Variants in DMD observed in about 807,000 individuals in gnomAD.
DMD encodes mutant dystrophin.
In DMD, 63 loss-of-function variants were observed where a neutral mutation model predicts 330.1. That is an observed-to-expected ratio of 0.19 (90% CI 0.16 to 0.24). DMD has a LOEUF of 0.24. Among genes scored for constraint, DMD ranks in the 10% least tolerant of loss-of-function variants. The pLI is 1.00. For missense variants in DMD, 3,344 were observed against 2,684.1 expected (o/e 1.25, Z -5.43); for synonymous variants, 1,223 against 959.8 (o/e 1.27, Z -5.07).
chrX:33,163,618 CTCTATCTATCTA>C (rs74647711), intron 1 of DMD, among the ~76,000 whole-genome samples: 3 of 24,854 alleles, frequency 1.2e-4, no homozygotes, highest in African/African-American at 2.3e-4. Context: ...CTATATCTAT[CTCTATCTATCTA>C]TCTATCTATC....
At chrX:32,953,132 CAAAAAA>C (rs956888529) in intron 2 of DMD, among the ~76,000 whole-genome samples, 5 of 48,323 alleles carry the variant, frequency 1.0e-4, no homozygotes, top group Admixed American at 2.6e-4. Flanking sequence ...AAGACTCCAC[CAAAAAA>C]AAAAAAAAAA....
At chrX:32,038,031 C>T (rs1354335301) in intron 44 of DMD, among the ~76,000 whole-genome samples, 1 of 111,657 alleles carries the variant, frequency 9.0e-6, no homozygotes, top group African/African-American at 3.3e-5. Flanking sequence ...GTCATTTGTT[C>T]AATCACTTGG....
At position 32,558,470 on chromosome X, in the gene DMD, G is replaced by A. The variant is rs143118474; in HGVS notation, c.1992+7232C>T. ...AATAGGCGTATCATACAGATGCTGA[G>A]CATTTTGTCTGTATGGTATTTTAAT... On this transcript the variant is annotated intron_variant, in intron 16 of 78. Transcript: ENST00000357033. Among the ~76,000 whole-genome samples, 137 of 111,652 alleles carry A rather than the reference G, an allele frequency of 1.2e-3. 2 individuals are homozygous for A. The highest frequency in any genetic ancestry group is 4.2e-3 in the African/African-American group (128 of 30,753).
chrX:32,728,114 G>A (rs767094034), intron 7 of DMD, among the ~76,000 whole-genome samples: 1 of 111,307 alleles, frequency 9.0e-6, no homozygotes, highest in Admixed American at 9.6e-5. Flanking sequence ...ATTGGAGACT[G>A]ACAAATAGCA....
chrX:32,227,235 G>A (rs2097151026), intron 43 of DMD, among the ~76,000 whole-genome samples: 1 of 84,642 alleles, frequency 1.2e-5, no homozygotes, highest in Admixed American at 1.4e-4. Flanking sequence ...GTATTCCATT[G>A]TGTGTCTATC....
chrX:32,393,477 CAGT>C (rs2098018443), intron 30 of DMD, among the ~76,000 whole-genome samples: 2 of 111,457 alleles, frequency 1.8e-5, no homozygotes, highest in Non-Finnish European at 3.8e-5. Context: ...TCACAGATAA[CAGT>C]AGTTTTATTG....
rs796343937 is a variant in DMD, at chrX:33,009,222, A to ATATATGTG, written c.93+10909_93+10916dup. Among the ~76,000 whole-genome samples the ATATATGTG allele has an allele frequency of 4.2e-3, 108 of 25,751 alleles. 9 individuals are homozygous for ATATATGTG. Among genetic ancestry groups the ATATATGTG allele is most frequent in the African/African-American group, 0.011 (66 of 5,974 alleles). 22.4% of individuals were successfully genotyped at this position (25,751 alleles called of 115,157 possible). ...TATGTGTATATATACACATATGTGCATATATGTGTATATATACACATGTGC... is the reference window on the plus strand; with the variant it reads ...TATGTGTATATATACACATATGTGCATATATGTGTATATGTGTATATATACACATGTGC... On this transcript the variant is annotated intron_variant, in intron 2 of 78. Transcript: ENST00000357033.
At chrX:32,993,984 G>T (rs1209529439) in intron 2 of DMD, among the ~76,000 whole-genome samples, 1 of 111,105 alleles carries the variant, frequency 9.0e-6, no homozygotes, top group African/African-American at 3.3e-5. Context: ...TAAATTTGAT[G>T]AAGAGTGGAC....
At chrX:31,956,564 C>T (rs1569522387) in intron 45 of DMD, among the ~76,000 whole-genome samples, 1 of 111,736 alleles carries the variant, frequency 8.9e-6, no homozygotes, top group Non-Finnish European at 1.9e-5. Context: ...TAAGATAGGA[C>T]CAAGTGCTAA....
intron 59 of DMD, among the ~76,000 whole-genome samples, chrX:31,453,765 C>CAAAAAAAAAAAAAAAAAAAAAAAAA (rs760511403): frequency 1.1e-4 from 1 of 8,978 alleles, no homozygotes; most frequent in Non-Finnish European, 1.7e-4. Context: ...AAAAAACAAG[C>CAAAAAAAAAAAAAAAAAAAAAAAAA]AAAAAAAAAA....
intron 9 of DMD, among the ~76,000 whole-genome samples, chrX:32,696,769 T>C (rs2063687396): frequency 1.8e-5 from 2 of 111,021 alleles, no homozygotes; most frequent in South Asian, 7.8e-4. Context: ...GTCTTGGTGA[T>C]TTCAACGGAG....
chrX:33,305,767 T>C (rs2053752902), intron 1 of DMD, among the ~76,000 whole-genome samples: 1 of 111,198 alleles, frequency 9.0e-6, no homozygotes, highest in African/African-American at 3.3e-5. Flanking sequence ...ATAAGTCACA[T>C]TATAGAGCAT....
At chrX:33,096,164 C>T (rs1299438980) in intron 1 of DMD, among the ~76,000 whole-genome samples, 55 of 108,346 alleles carry the variant, frequency 5.1e-4, no homozygotes, top group African/African-American at 1.8e-3. Context: ...TTAGTAGAGA[C>T]GGGGTTTCAC....
intron 41 of DMD, among the ~76,000 whole-genome samples, chrX:32,330,715 T>C (rs1258136423): frequency 9.0e-6 from 1 of 111,641 alleles, no homozygotes; most frequent in Admixed American, 9.6e-5. Flanking sequence ...GATTTGCCAA[T>C]GGTATTTTAC....
chrX:32,992,057 G>T (rs1436169397), intron 2 of DMD, among the ~76,000 whole-genome samples: 1 of 111,243 alleles, frequency 9.0e-6, no homozygotes, highest in African/African-American at 3.3e-5. Context: ...GGCTTTTTAT[G>T]CCATTAAGTC....
intron 41 of DMD, among the ~76,000 whole-genome samples, chrX:32,313,858 T>G (rs1001882447): frequency 9.0e-6 from 1 of 111,142 alleles, no homozygotes; most frequent in Non-Finnish European, 1.9e-5. Flanking sequence ...AAGGGCCTCT[T>G]CAAGGAGAAC....
Position 32,592,001 on chromosome X carries a change from C to G in DMD, c.1602+3756G>C, listed in dbSNP as rs577047981. The stretch of plus-strand genomic sequence containing the variant: ...TGCCAGCCCCCTGCTGCCTTGCGCC[C>G]GTCTGGACTTTGGGCACTGATGAGC... On this transcript the variant is annotated intron_variant, in intron 13 of 78. Coordinates refer to ENST00000357033, the MANE Select transcript of DMD (RefSeq NM_004006.3). 7.1e-5 allele frequency among the ~76,000 whole-genome samples: 8 copies of G among 112,399 alleles called. No homozygotes were observed. The South Asian group carries it at 3.0e-3, about 42-fold the overall frequency.
intron 44 of DMD, among the ~76,000 whole-genome samples, chrX:31,985,112 T>G (rs1039107771): frequency 5.3e-5 from 6 of 112,181 alleles, no homozygotes; most frequent in Non-Finnish European, 9.4e-5. Flanking sequence ...AACTATAATT[T>G]CTTTCAAAAA....
chrX:33,235,648 CGA>C (rs1210628655), intron 1 of DMD, among the ~76,000 whole-genome samples: 3 of 110,406 alleles, frequency 2.7e-5, no homozygotes, highest in African/African-American at 9.9e-5. Flanking sequence ...ATGTCACAAT[CGA>C]GTCTCAGAGG....
Sources: gnomAD v4.1 joint callset for allele counts (sites outside exome capture counted in the v4.1 genomes callset) on GRCh38, gnomAD v4.1.1 for gene constraint, MANE v1.5 for transcripts, NCBI Gene and HGNC (gene_info 2026-07-23, HGNC 2026-07-21) for gene names.